NLRP9: variants seen among roughly 807,000 people sequenced by gnomAD.
NLRP9 encodes NLR family pyrin domain containing 9.
In NLRP9, 88 loss-of-function variants were observed where a neutral mutation model predicts 83.1. The ratio of observed to expected loss-of-function variants is 1.06; its 90% confidence interval spans 0.89 to 1.26. The LOEUF is 1.26. Ranked by LOEUF, NLRP9 falls within the 50% of genes most tolerant of loss-of-function variation. The pLI is 0.00. For missense variants in NLRP9, 1,308 were observed against 1,179.3 expected (o/e 1.11, Z -1.60); for synonymous variants, 521 against 447.6 (o/e 1.16, Z -2.07).
In NLRP9 at chr19:55,729,556, G is replaced by A. The variant is rs1239305900; in HGVS notation, c.1994+275C>T. Among the ~76,000 whole-genome samples, 4 of 152,006 alleles carry A rather than the reference G, an allele frequency of 2.6e-5. No homozygotes were observed. The East Asian group carries it at 7.7e-4, about 29-fold the overall frequency. ...CAGCTTCGTCCATGTTCCTACAAAGGACATGAACTCATGCTTTTTTATGGC... is the reference window on the plus strand; with the variant it reads ...CAGCTTCGTCCATGTTCCTACAAAGAACATGAACTCATGCTTTTTTATGGC... On this transcript the variant is annotated intron_variant, in intron 3 of 8. Coordinates refer to ENST00000332836, the MANE Select transcript of NLRP9 (RefSeq NM_176820.4).
At chr19:55,734,097 G>C (rs1426397458) in intron 1 of NLRP9, among the ~76,000 whole-genome samples, 1 of 151,588 alleles carries the variant, frequency 6.6e-6, no homozygotes, top group South Asian at 2.1e-4. Flanking sequence ...TAAGTTTTTT[G>C]TATTTTTAGT....
chr19:55,721,826 T>A (rs186673478), intron 4 of NLRP9, among the ~76,000 whole-genome samples: 1 of 152,300 alleles, frequency 6.6e-6, no homozygotes, highest in African/African-American at 2.4e-5. Context: ...AAGGGGAGTT[T>A]CCCTGCACAA....
chr19:55,724,071 G>C lies in NLRP9; in HGVS notation c.2068C>G (p.Leu690Val). Residue 690 changes from leucine (L) to valine (V), a missense_variant, in exon 4 of 9, where the codon CTG (leucine) becomes GTG (valine). Leu to Val is a conservative substitution (Grantham distance 32). Coordinates refer to ENST00000332836, the MANE Select transcript of NLRP9 (RefSeq NM_176820.4). ...AVLHNPHLKLLSLYGTSLSQS... is the reference protein window; with the variant it reads ...AVLHNPHLKLVSLYGTSLSQS... ...GAGAGGCTAGTGCCGTACAGGCTCAGAAGTTTCAGATGAGGGTTGTGAAGA... is the reference window on the plus strand; with the variant it reads ...GAGAGGCTAGTGCCGTACAGGCTCACAAGTTTCAGATGAGGGTTGTGAAGA... 5 of 1,613,730 alleles carry C rather than the reference G, an allele frequency of 3.1e-6. No homozygotes were observed. The highest frequency in any genetic ancestry group is 1.6e-4 in the Middle Eastern group (1 of 6,062).
chr19:55,711,077 C>T (rs1987692935), intron 8 of NLRP9, among the ~76,000 whole-genome samples: 1 of 143,960 alleles, frequency 6.9e-6, no homozygotes, highest in Admixed American at 6.9e-5. Context: ...CAGAGCAAGA[C>T]TCTGCCTCAA....
intron 6 of NLRP9, among the ~76,000 whole-genome samples, chr19:55,713,587 CCCTCCT>C (rs555483298): frequency 7.1e-6 from 1 of 140,676 alleles, no homozygotes; most frequent in South Asian, 2.4e-4. Context: ...CTCCCTCCTC[CCCTCCT>C]CCTCCTCTCC....
Position 55,716,765 on chromosome 19 carries a change from C to T in NLRP9, c.2293G>A (p.Ala765Thr), listed in dbSNP as rs115450119. The change falls in exon 5 of 9, where the codon GCC becomes ACC. Residue 765 changes from alanine (A) to threonine (T), a missense_variant. By Grantham distance (58) the Ala-to-Thr change is moderately conservative (BLOSUM62 0). Transcript: ENST00000332836. The stretch of plus-strand genomic sequence containing the variant: ...AGGGCACAGTGTGAGTGCTTCAGGG[C>T]TTCACACAGCAACGTCATTCCTTCG... ...RDEGMTLLCE[A>T]LKHSHCALER... 2.7e-4 allele frequency: 440 copies of T among 1,613,922 alleles called. 2 individuals are homozygous for T. In the African/African-American group the frequency reaches 5.3e-3, roughly 19 times the overall value.
At chr19:55,718,769 C>G (rs557190302) in intron 4 of NLRP9, among the ~76,000 whole-genome samples, 109 of 152,328 alleles carry the variant, frequency 7.2e-4, no homozygotes, top group Non-Finnish European at 1.3e-3. Flanking sequence ...AAGCGTCTGT[C>G]CCCTGGGCCC....
At chr19:55,737,734 T>TAA (rs57736610) in intron 1 of NLRP9, 905 of 80,274 alleles carry the variant, frequency 0.011, 26 homozygotes, top group Non-Finnish European at 0.016. Flanking sequence ...ACCCTTTCTC[T>TAA]AAAAAAAAAA....
intron 1 of NLRP9, among the ~76,000 whole-genome samples, chr19:55,734,552 C>T (rs532357843): frequency 4.9e-4 from 72 of 146,662 alleles, no homozygotes; most frequent in East Asian, 1.6e-3. Context: ...TACATATATA[C>T]GCACACACAT....
chr19:55,709,067 T>A, intron 8 of NLRP9, 23 bp from the exon 9 acceptor site: 1 of 1,548,124 alleles, frequency 6.5e-7, no homozygotes, highest in Non-Finnish European at 8.6e-7. Flanking sequence ...AAATAAAGTT[T>A]TTTTTTTTGT....
intron 3 of NLRP9, among the ~76,000 whole-genome samples, chr19:55,729,050 CTTTTTTTTTTTT>C (rs374589373): frequency 0.03 from 2,146 of 70,366 alleles, 98 homozygotes; most frequent in African/African-American, 0.11. Context: ...TTTTCTTTTT[CTTTTTTTTTTTT>C]TTTTTTTTTT....
In NLRP9 at chr19:55,734,634, TA is replaced by T. The variant is rs1401166187; in HGVS notation, c.281-1085del. Among the ~76,000 whole-genome samples, 613 of 94,260 alleles carry T rather than the reference TA, an allele frequency of 6.5e-3. 5 individuals carry two copies. The highest frequency in any genetic ancestry group is 9.9e-3 in the Non-Finnish European group (417 of 42,102). 61.8% of individuals were successfully genotyped at this position (94,260 alleles called of 152,430 possible). Reference sequence around the variant, plus strand: ...ACACACACACACATATATATATATATATATTTTTTTTTTTTTTGAGATGAAC... The same window carrying T: ...ACACACACACACATATATATATATATTATTTTTTTTTTTTTTGAGATGAAC... On this transcript the variant is annotated intron_variant, in intron 1 of 8. Transcript: ENST00000332836.
At chr19:55,726,847 G>C (rs1568600729) in intron 3 of NLRP9, among the ~76,000 whole-genome samples, 1 of 152,094 alleles carries the variant, frequency 6.6e-6, no homozygotes, top group Non-Finnish European at 1.5e-5. Flanking sequence ...ATACACAACA[G>C]AAAAGAGAAG....
chr19:55,734,895 A>G (rs888125902), intron 1 of NLRP9, among the ~76,000 whole-genome samples: 3 of 152,172 alleles, frequency 2.0e-5, no homozygotes, highest in African/African-American at 7.2e-5. Context: ...TCGGCCTCCC[A>G]AAGTGCTGGG....
Position 55,711,910 on chromosome 19 carries a change from G to C in NLRP9, c.2733C>G (p.Ala911=). ...GGTTCAGGCTCCTCAGTGTTTTGCA[G>C]GCGATGAGTGCTGCGGCGATGTCGT... The part of the protein sequence containing the change: ...CCDDIAAALI[A]CKTLRSLNLD... The change falls in exon 8 of 9, where the codon GCC becomes GCG. Residue 911 remains alanine (A), a synonymous_variant. Coordinates refer to ENST00000332836, the MANE Select transcript of NLRP9 (RefSeq NM_176820.4). The C allele has an allele frequency of 1.2e-6, 2 of 1,613,322 alleles. No homozygotes were observed. Among genetic ancestry groups the C allele is most frequent in the Non-Finnish European group, 1.7e-6 (2 of 1,179,958 alleles).
chr19:55,720,162 T>C (rs568302701), intron 4 of NLRP9, among the ~76,000 whole-genome samples: 2 of 152,350 alleles, frequency 1.3e-5, no homozygotes, highest in South Asian at 4.1e-4. Flanking sequence ...AAAGTGGTTT[T>C]TCAACAGCAT....
intron 4 of NLRP9, among the ~76,000 whole-genome samples, chr19:55,718,136 A>G (rs1445161088): frequency 4.6e-5 from 7 of 152,198 alleles, no homozygotes; most frequent in African/African-American, 1.4e-4. Flanking sequence ...ATACTTGGTA[A>G]AAGTCATGGC....
chr19:55,723,787 A>T (rs1043549723), intron 4 of NLRP9, among the ~76,000 whole-genome samples, 193 bp downstream of exon 4: 4 of 151,932 alleles, frequency 2.6e-5, no homozygotes, highest in Non-Finnish European at 4.4e-5. Flanking sequence ...GGGAAGGCGG[A>T]AACAAACCTT....
At chr19:55,712,053 A>C (rs1600123954) in intron 7 of NLRP9, 83 bp from the exon 8 acceptor site, 2 of 1,356,576 alleles carry the variant, frequency 1.5e-6, no homozygotes, top group Non-Finnish European at 2.1e-6. Flanking sequence ...CTAATTACAC[A>C]CCTCCCGGCA....
Sources: allele counts gnomAD v4.1 joint callset (sites outside exome capture counted in the v4.1 genomes callset), GRCh38; gene constraint gnomAD v4.1.1; transcripts MANE v1.5; gene names NCBI Gene and HGNC (gene_info 2026-07-23, HGNC 2026-07-21).